Variants in CAMK1D observed in about 807,000 individuals in gnomAD.
CAMK1D encodes the protein calcium/calmodulin-dependent protein kinase type 1D.
CAMK1D carries 9 observed loss-of-function variants against 47.7 expected under a neutral mutation model. The ratio of observed to expected loss-of-function variants is 0.19; its 90% CI spans 0.11 to 0.33. CAMK1D has a LOEUF of 0.33. CAMK1D is among the 10% of genes least tolerant of loss of function. CAMK1D has a pLI of 1.00. For synonymous variants in CAMK1D, 184 were observed against 184.9 expected (o/e 0.99, Z 0.04); for missense variants, 291 against 488.7 (o/e 0.60, Z 3.81).
intron 1 of CAMK1D, among the ~76,000 whole-genome samples, chr10:12,513,373 T>A (rs1221425337): frequency 1.3e-5 from 2 of 152,184 alleles, no homozygotes; most frequent in Non-Finnish European, 2.9e-5. Flanking sequence ...GTGGGCTTTG[T>A]CAGCCTTTCA....
At chr10:12,701,976 T>TG (rs1446472004) in intron 3 of CAMK1D, among the ~76,000 whole-genome samples, 1 of 152,190 alleles carries the variant, frequency 6.6e-6, no homozygotes, top group African/African-American at 2.4e-5. Context: ...ATCAGGTATG[T>TG]GGGGCAGAGG....
rs1314938696 is a variant in CAMK1D at position 12,774,391 on chromosome 10, G to T, written c.565+4592G>T. 2.6e-5 allele frequency among the ~76,000 whole-genome samples: 4 copies of T among 152,086 alleles called. No individual in the cohort carries two copies. The East Asian group carries it at 5.8e-4, about 22-fold the overall frequency. On this transcript the variant is annotated intron_variant, in intron 5 of 10. Transcript: ENST00000619168. ...ATCTGGAGGGCATTCCAGGCCCAGT[G>T]CAGAGGCCTGAAGGCAGGAGAATGT... is the stretch of plus-strand genomic sequence containing the variant.
intron 3 of CAMK1D, among the ~76,000 whole-genome samples, chr10:12,678,147 A>G (rs1422377294): frequency 1.3e-5 from 2 of 152,118 alleles, no homozygotes; most frequent in East Asian, 1.9e-4. Context: ...TTATAGCTAT[A>G]AATTTTCCTC....
intron 1 of CAMK1D, among the ~76,000 whole-genome samples, chr10:12,417,007 A>G (rs1254177964): frequency 6.6e-6 from 1 of 152,088 alleles, no homozygotes; most frequent in East Asian, 1.9e-4. Context: ...TTGGGCCTGC[A>G]TCCCAGTTTA....
At chr10:12,647,145 CTTTTTTTTTTTT>C (rs397693477) in intron 2 of CAMK1D, among the ~76,000 whole-genome samples, 6 of 76,822 alleles carry the variant, frequency 7.8e-5, no homozygotes, top group East Asian at 4.3e-4. Context: ...CCAGGCTAGC[CTTTTTTTTTTTT>C]TTTTTTTTTT....
intron 1 of CAMK1D, among the ~76,000 whole-genome samples, chr10:12,365,219 G>A (rs891052855): frequency 6.6e-6 from 1 of 152,032 alleles, no homozygotes; most frequent in Non-Finnish European, 1.5e-5. Context: ...GCCTCCCAAA[G>A]TTCTGGGATT....
chr10:12,773,391 T>C (rs1837130966), intron 5 of CAMK1D, among the ~76,000 whole-genome samples: 1 of 152,240 alleles, frequency 6.6e-6, no homozygotes, highest in Admixed American at 6.5e-5. Flanking sequence ...GCATAGTATT[T>C]GCATATAACC....
Position 12,833,916 on chromosome 10 carries a change from TAAAAAAAAAAA to T in CAMK1D, c.*5041_*5051del. On this transcript the variant is annotated 3_prime_UTR_variant, in exon 11 of 11. Coordinates refer to ENST00000619168, the MANE Select transcript of CAMK1D (RefSeq NM_153498.4). ...CCAGACCAAACACTGTTCAGTTTGT[TAAAAAAAAAAA>T]AAAAAAAAAAAGATGTATATACCTG... is the stretch of plus-strand genomic sequence containing the variant. 2 of 119,412 alleles carry T rather than the reference TAAAAAAAAAAA, an allele frequency of 1.7e-5. No homozygotes were observed. The highest frequency in any genetic ancestry group is 6.2e-5 in the African/African-American group (2 of 32,132). 7.4% of individuals were successfully genotyped at this position (119,412 alleles called of 1,614,324 possible).
chr10:12,530,825 C>T (rs115284912), intron 1 of CAMK1D, among the ~76,000 whole-genome samples: 3,662 of 151,858 alleles, frequency 0.024, 70 homozygotes, highest in African/African-American at 0.049. Flanking sequence ...GGGAGGCTGA[C>T]GTTGGAGAAT....
intron 8 of CAMK1D, among the ~76,000 whole-genome samples, chr10:12,821,194 G>A (rs993576669): frequency 9.9e-5 from 15 of 152,146 alleles, no homozygotes; most frequent in African/African-American, 1.4e-4. Context: ...GAGGGCCGTC[G>A]ACTGATTGAA....
chr10:12,658,599 A>C (rs10795973), intron 2 of CAMK1D, among the ~76,000 whole-genome samples: 69,366 of 151,904 alleles, frequency 0.46, 16,349 homozygotes, highest in East Asian at 0.54. Flanking sequence ...TGTGCCTATA[A>C]AAACCCTGAG....
chr10:12,567,180 G>T (rs1003182425), intron 2 of CAMK1D, among the ~76,000 whole-genome samples: 2 of 152,136 alleles, frequency 1.3e-5, no homozygotes, highest in Non-Finnish European at 2.9e-5. Context: ...TAGAAAATAC[G>T]GCAAATGCTA....
intron 1 of CAMK1D, among the ~76,000 whole-genome samples, chr10:12,482,894 C>T (rs184680263): frequency 1.1e-4 from 16 of 152,250 alleles, no homozygotes; most frequent in Non-Finnish European, 1.6e-4. Context: ...ATAACATTGC[C>T]GCTGCCGCTG....
chr10:12,676,037 C>G (rs1026056128), intron 3 of CAMK1D, among the ~76,000 whole-genome samples: 4 of 152,234 alleles, frequency 2.6e-5, no homozygotes, highest in Non-Finnish European at 5.9e-5. Context: ...ACCACAACCT[C>G]TGCCTCCCGG....
chr10:12,751,916 G>C (rs1245840915), intron 3 of CAMK1D, among the ~76,000 whole-genome samples: 1 of 151,788 alleles, frequency 6.6e-6, no homozygotes, highest in African/African-American at 2.4e-5. Context: ...GCAAGGCTGA[G>C]CAATAGACAG....
chr10:12,436,447 G>A (rs77642260), intron 1 of CAMK1D, among the ~76,000 whole-genome samples: 275 of 152,330 alleles, frequency 1.8e-3, no homozygotes, highest in African/African-American at 6.1e-3. Context: ...AAGCTGGTCG[G>A]AGGCATTATT....
intron 1 of CAMK1D, among the ~76,000 whole-genome samples, chr10:12,427,700 G>GTTTTTTTTTTTTTTTTTTT (rs768000055): frequency 0.019 from 585 of 31,020 alleles, 218 homozygotes; most frequent in Non-Finnish European, 0.025. Context: ...TGAACTTACT[G>GTTTTTTTTTTTTTTTTTTT]TTTTTTTTTT....
chr10:12,368,472 A>G (rs1399688402), intron 1 of CAMK1D, among the ~76,000 whole-genome samples: 1 of 152,114 alleles, frequency 6.6e-6, no homozygotes, highest in African/African-American at 2.4e-5. Flanking sequence ...CTTTGATTAG[A>G]TTCATGAAGT....
chr10:12,796,261 C>T (rs777572166), intron 6 of CAMK1D, among the ~76,000 whole-genome samples: 4 of 152,134 alleles, frequency 2.6e-5, no homozygotes, highest in Non-Finnish European at 2.9e-5. Context: ...GCAGGCTGGA[C>T]GGGTGGGCTG....
Sources: gnomAD v4.1 joint callset for allele counts (sites outside exome capture counted in the v4.1 genomes callset) on GRCh38, gnomAD v4.1.1 for gene constraint, MANE v1.5 for transcripts, NCBI Gene and HGNC (gene_info 2026-07-23, HGNC 2026-07-21) for gene names.